The following LRRC24 variants were observed in gnomAD, a reference collection of about 807,000 sequenced individuals.
LRRC24 encodes the protein leucine rich repeat containing 24.
Under a neutral mutation model 15.3 loss-of-function variants are expected in LRRC24, and 19 were observed. That is an observed-to-expected ratio of 1.25 (90% CI 0.87 to 1.83). LRRC24 has a LOEUF of 1.83. Among genes scored for constraint, LRRC24 ranks in the 40% most tolerant of loss-of-function variants. LRRC24 has a pLI of 0.00. For synonymous variants in LRRC24, 469 were observed against 359.6 expected (o/e 1.30, Z -3.44); for missense variants, 914 against 723.9 (o/e 1.26, Z -3.01).
chr8:144,524,923 G>A lies in LRRC24; in HGVS notation c.52C>T (p.Leu18Phe). The A allele has an allele frequency of 6.6e-7, 1 of 1,513,774 alleles. No individual in the cohort carries two copies. Among genetic ancestry groups the A allele is most frequent in the Non-Finnish European group, 8.8e-7 (1 of 1,132,426 alleles). The allele number at this position is 1,513,774 out of a possible 1,614,324, so 93.8% of individuals were successfully genotyped here. A position where few individuals can be genotyped will look rare whatever the true frequency, so the allele number is the denominator to read the frequency against. ...GCTGCTGGGCAGCCGGCGGCGCGGA[G>A]CGGCAGTAGTAGCAGCAGCAGCGGC... Reference protein sequence around the residue: ...LLPLLLLLLPLRAAGCPAACR... With the variant: ...LLPLLLLLLPFRAAGCPAACR... The change falls in exon 2 of 5, where the codon CTC becomes TTC. Residue 18 changes from leucine to phenylalanine, a missense_variant. Leu to Phe is a conservative substitution (Grantham distance 22). Transcript: ENST00000529415.
In LRRC24 at chr8:144,523,366, G is replaced by A. The variant is rs145078786; in HGVS notation, c.651C>T (p.Ala217=). 3.2e-6 allele frequency: 5 copies of A among 1,576,762 alleles called. No homozygotes were observed. In the African/African-American group the frequency reaches 5.4e-5, roughly 17 times the overall value. The change falls in exon 5 of 5, where the codon GCC becomes GCT. Residue 217 remains alanine (A), a synonymous_variant. Transcript: ENST00000529415. ...GCCGCTGGCCGCCCTCCTTGATCCA[G>A]GCACCCAGCCAGTGCAGGGCGCAGT... is the stretch of plus-strand genomic sequence containing the variant. ...RCDCALHWLG[A]WIKEGGQRLL... is the part of the protein sequence containing the mutation.
Position 144,522,741 on chromosome 8 carries a change from A to T in LRRC24, c.1276T>A (p.Cys426Ser). ...LTALLLVAMICRRRRRRKKAR... is the reference protein window; with the variant it reads ...LTALLLVAMISRRRRRRKKAR... Reference sequence around the variant, plus strand: ...TTTTTTCGCCTGCGGCGCCGGCGACAGATCATGGCGACCAGGAGCAGCGCC... The same window carrying T: ...TTTTTTCGCCTGCGGCGCCGGCGACTGATCATGGCGACCAGGAGCAGCGCC... Residue 426 changes from cysteine to serine, a missense_variant, in exon 5 of 5, where the codon TGT becomes AGT. Cys to Ser is a moderately radical substitution (Grantham distance 112). Transcript: ENST00000529415. 1.3e-6 allele frequency: 2 copies of T among 1,589,260 alleles called. No homozygotes were observed. The highest frequency in any genetic ancestry group is 1.7e-6 in the Non-Finnish European group (2 of 1,169,754).
Position 144,524,770 on chromosome 8 carries a change from C to T in LRRC24, c.159+46G>A, listed in dbSNP as rs1297813870. The T allele has an allele frequency of 4.9e-6, 7 of 1,434,492 alleles. No homozygotes were observed. In the East Asian group the frequency reaches 1.1e-4, roughly 22 times the overall value. The allele number at this position is 1,434,492 out of a possible 1,614,324, so 88.9% of individuals were successfully genotyped here. On this transcript the variant is annotated intron_variant, in intron 2 of 4. Coordinates refer to ENST00000529415, the MANE Select transcript of LRRC24 (RefSeq NM_001024678.4). The stretch of plus-strand genomic sequence containing the variant: ...CTTACCCCGTTGCGGGGGTCTTCCT[C>T]TCCCTGGGGGCACCCCGTCCTCCCG...
At chr8:144,523,993 G>A in intron 4 of LRRC24, 117 bp downstream of exon 4, 1 of 1,221,470 alleles carries the variant, frequency 8.2e-7, no homozygotes. Flanking sequence ...GCAGGCGGTG[G>A]TGCAGCCTTC....
Position 144,523,363 on chromosome 8 carries a change from C to A in LRRC24, c.654G>T (p.Trp218Cys). The change falls in exon 5 of 5, where the codon TGG becomes TGT. Residue 218 changes from tryptophan (W) to cysteine (C), a missense_variant. Transcript: ENST00000529415. ...GCAGCCGCTGGCCGCCCTCCTTGAT[C>A]CAGGCACCCAGCCAGTGCAGGGCGC... Reference protein sequence around the residue: ...CDCALHWLGAWIKEGGQRLLT... With the variant: ...CDCALHWLGACIKEGGQRLLT... 6.3e-7 allele frequency: 1 copy of A among 1,576,870 alleles called. No individual in the cohort carries two copies. The highest frequency in any genetic ancestry group is 8.6e-7 in the Non-Finnish European group (1 of 1,158,510).
intron 4 of LRRC24, chr8:144,523,651 G>T: frequency 2.0e-6 from 1 of 510,506 alleles, no homozygotes; most frequent in Non-Finnish European, 3.2e-6. Flanking sequence ...TTCTCCGTCG[G>T]TCTCTGAGAA....
At position 144,522,541 on chromosome 8, in the gene LRRC24, G is replaced by A. The variant is rs1816149423; in HGVS notation, c.1476C>T (p.Gly492=). 6.5e-7 allele frequency: 1 copy of A among 1,526,888 alleles called. No homozygotes were observed. Among genetic ancestry groups the A allele is most frequent in the Non-Finnish European group, 8.8e-7 (1 of 1,138,920 alleles). 94.6% of individuals were successfully genotyped at this position (1,526,888 alleles called of 1,614,324 possible). The change falls in exon 5 of 5, where the codon GGC becomes GGT. Residue 492 remains glycine, a synonymous_variant. Coordinates refer to ENST00000529415, the MANE Select transcript of LRRC24 (RefSeq NM_001024678.4). The part of the protein sequence containing the change: ...EGPAEAPADC[G]PEQGAGPGLR... ...GTCCCGGCCCCGCCCCCTGTTCCGG[G>A]CCGCAGTCAGCGGGCGCCTCCGCCG...
intron 4 of LRRC24, chr8:144,523,817 G>A: frequency 4.2e-6 from 2 of 472,702 alleles, no homozygotes; most frequent in Non-Finnish European, 7.5e-6. Context: ...CTGGTCAGCT[G>A]TCTCTCTCCT....
chr8:144,522,715 C>A lies in LRRC24; in HGVS notation c.1302G>T (p.Lys434Asn). ...CTCCCTCCCCCGGAGGCCCCCGCGCCTTTTTTCGCCTGCGGCGCCGGCGAC... is the reference window on the plus strand; with the variant it reads ...CTCCCTCCCCCGGAGGCCCCCGCGCATTTTTTCGCCTGCGGCGCCGGCGAC... Reference protein sequence around the residue: ...MICRRRRRRKKARGPPGEGAL... With the variant: ...MICRRRRRRKNARGPPGEGAL... Residue 434 changes from lysine (K) to asparagine (N), a missense_variant, in exon 5 of 5, where the codon AAG becomes AAT. Coordinates refer to ENST00000529415, the MANE Select transcript of LRRC24 (RefSeq NM_001024678.4). The A allele has an allele frequency of 6.3e-7, 1 of 1,595,670 alleles. No individual in the cohort carries two copies. The highest frequency in any genetic ancestry group is 2.3e-5 in the East Asian group (1 of 43,552).
At position 144,524,578 on chromosome 8, in the gene LRRC24, G is replaced by A. The variant is rs772090908; in HGVS notation, c.301C>T (p.Leu101=). The A allele has an allele frequency of 1.9e-6, 3 of 1,547,298 alleles. No individual in the cohort carries two copies. Among genetic ancestry groups the A allele is most frequent in the Non-Finnish European group, 1.7e-6 (2 of 1,156,230 alleles). ...AGAFRAQPRL[L]ELALTSNRLR... ...CGGTTGCTAGTGAGCGCCAGCTCCA[G>A]CAGGCGCGGCTGCGCGCGGAAGGCG... The change falls in exon 3 of 5, where the codon CTG becomes TTG. Residue 101 remains leucine (L), a synonymous_variant. Transcript: ENST00000529415.
At position 144,522,443 on chromosome 8, in the gene LRRC24, C is replaced by G. The variant is rs113431579; in HGVS notation, c.*32G>C. Reference sequence around the variant, plus strand: ...TGCGCGAGGCCGCACCGGCCAATCTCCGGCGCCCACGTCATCCGCGCGCCC... The same window carrying G: ...TGCGCGAGGCCGCACCGGCCAATCTGCGGCGCCCACGTCATCCGCGCGCCC... On this transcript the variant is annotated 3_prime_UTR_variant, in exon 5 of 5. Coordinates refer to ENST00000529415, the MANE Select transcript of LRRC24 (RefSeq NM_001024678.4). 11 of 1,391,342 alleles carry G rather than the reference C, an allele frequency of 7.9e-6. No individual in the cohort carries two copies. Among genetic ancestry groups the G allele is most frequent in the African/African-American group, 3.0e-5 (2 of 65,822 alleles). The allele number at this position is 1,391,342 out of a possible 1,614,324, so 86.2% of individuals were successfully genotyped here. A position where few individuals can be genotyped will look rare whatever the true frequency, so the allele number is the denominator to read the frequency against.
At chr8:144,524,403 A>C (rs749800310) in intron 3 of LRRC24, 38 bp downstream of exon 3, 1 of 1,595,594 alleles carries the variant, frequency 6.3e-7, no homozygotes, top group Non-Finnish European at 8.5e-7. Context: ...GAGGGGCCAT[A>C]ATGGAGTATC....
chr8:144,523,503 C>T, intron 4 of LRRC24, 94 bp from the exon 5 acceptor site: 8 of 1,434,650 alleles, frequency 5.6e-6, no homozygotes, highest in Non-Finnish European at 7.3e-6. Context: ...AGGCCTCTTT[C>T]CCACCTCCCA....
rs530716231 is a variant in LRRC24, at chr8:144,523,228, G to A, written c.789C>T (p.His263=). ...SSLICIPPSV[H]VQPLELTANL... is the part of the protein sequence containing the mutation. ...TGGCTGTGAGCTCCAGCGGCTGCAC[G>A]TGGACAGAGGGCGGAATGCAGATGA... The change falls in exon 5 of 5, where the codon CAC becomes CAT. Residue 263 remains histidine (H), a synonymous_variant. Transcript: ENST00000529415. The A allele has an allele frequency of 1.9e-6, 3 of 1,610,046 alleles. No homozygotes were observed. The highest frequency in any genetic ancestry group is 4.5e-5 in the East Asian group (2 of 44,724).
Position 144,525,442 on chromosome 8 carries a change from T to C in LRRC24, c.-59-409A>G, listed in dbSNP as rs918550299. Among the ~76,000 whole-genome samples the C allele has an allele frequency of 3.9e-5, 6 of 152,322 alleles. No homozygotes were observed. The South Asian group carries it at 8.3e-4, about 21-fold the overall frequency. On this transcript the variant is annotated intron_variant, in intron 1 of 4. Coordinates refer to ENST00000529415, the MANE Select transcript of LRRC24 (RefSeq NM_001024678.4). ...AGTACAGGGTATGGCTTGAGAACTTTGCTTAGGTGACAAAGCCCGGGGTCC... is the reference window on the plus strand; with the variant it reads ...AGTACAGGGTATGGCTTGAGAACTTCGCTTAGGTGACAAAGCCCGGGGTCC...
rs1246853546 is a variant in LRRC24, at chr8:144,524,532, C to G, written c.347G>C (p.Gly116Ala). 1 of 1,588,222 alleles carries G rather than the reference C, an allele frequency of 6.3e-7. No homozygotes were observed. Among genetic ancestry groups the G allele is most frequent in the East Asian group, 2.3e-5 (1 of 44,430 alleles). ...TSNRLRGLRS[G>A]AFVGLAQLRV... ...CAGCTGGGCCAGGCCTACGAAGGCG[C>G]CGCTGCGCAAGCCGCGCAGCCGGTT... The change falls in exon 3 of 5, where the codon GGC becomes GCC. Residue 116 changes from glycine (G) to alanine (A), a missense_variant. Transcript: ENST00000529415.
chr8:144,522,552 C>T lies in LRRC24; in HGVS notation c.1465G>A (p.Ala489Thr), dbSNP rs768135497. 111 of 1,533,674 alleles carry T rather than the reference C, an allele frequency of 7.2e-5. No individual in the cohort carries two copies. Among genetic ancestry groups the T allele is most frequent in the Non-Finnish European group, 8.9e-5 (102 of 1,142,862 alleles). ...LFAEGPAEAP[A>T]DCGPEQGAGP... is the part of the protein sequence containing the mutation. ...GCCCCCTGTTCCGGGCCGCAGTCAG[C>T]GGGCGCCTCCGCCGGACCCTCGGCG... is the stretch of plus-strand genomic sequence containing the variant. The change falls in exon 5 of 5, where the codon GCT becomes ACT. Residue 489 changes from alanine to threonine, a missense_variant. By Grantham distance (58) the Ala-to-Thr change is moderately conservative. Transcript: ENST00000529415.
At position 144,522,964 on chromosome 8, in the gene LRRC24, G is replaced by A. The variant is rs1176331231; in HGVS notation, c.1053C>T (p.Gly351=). Residue 351 remains glycine, a synonymous_variant, in exon 5 of 5, where the codon GGC becomes GGT. Coordinates refer to ENST00000529415, the MANE Select transcript of LRRC24 (RefSeq NM_001024678.4). ...GCCGGAAGGGCACGCGGGCAGCGCC[G>A]CCGGCGTTGGAGGCCTCGCACTCGT... ...GKYECEASNA[G]GAARVPFRLL... 1.9e-6 allele frequency: 3 copies of A among 1,579,178 alleles called. No homozygotes were observed. Among genetic ancestry groups the A allele is most frequent in the Admixed American group, 3.4e-5 (2 of 58,050 alleles).
rs1248036902 is a variant in LRRC24, at chr8:144,522,545, C to A, written c.1472G>T (p.Cys491Phe). The A allele has an allele frequency of 6.5e-7, 1 of 1,530,872 alleles. No individual in the cohort carries two copies. Among genetic ancestry groups the A allele is most frequent in the Non-Finnish European group, 8.8e-7 (1 of 1,141,074 alleles). The allele number at this position is 1,530,872 out of a possible 1,614,324, so 94.8% of individuals were successfully genotyped here. Reference sequence around the variant, plus strand: ...CGGCCCCGCCCCCTGTTCCGGGCCGCAGTCAGCGGGCGCCTCCGCCGGACC... The same window carrying A: ...CGGCCCCGCCCCCTGTTCCGGGCCGAAGTCAGCGGGCGCCTCCGCCGGACC... Reference protein sequence around the residue: ...AEGPAEAPADCGPEQGAGPGL... With the variant: ...AEGPAEAPADFGPEQGAGPGL... The change falls in exon 5 of 5, where the codon TGC becomes TTC. Residue 491 changes from cysteine (C) to phenylalanine (F), a missense_variant. By Grantham distance (205) the Cys-to-Phe change is radical. Coordinates refer to ENST00000529415, the MANE Select transcript of LRRC24 (RefSeq NM_001024678.4).
Sources: gnomAD v4.1 joint callset for allele counts (sites outside exome capture counted in the v4.1 genomes callset) on GRCh38, gnomAD v4.1.1 for gene constraint, MANE v1.5 for transcripts, NCBI Gene and HGNC (gene_info 2026-07-23, HGNC 2026-07-21) for gene names.